Variants in NYAP2 observed in about 807,000 individuals in gnomAD.
NYAP2 encodes neuronal tyrosine-phosphorylated phosphoinositide-3-kinase adapter 2.
Under a neutral mutation model 50.4 loss-of-function variants are expected in NYAP2, and 23 were observed. The observed-to-expected ratio is 0.46, with a 90% CI of 0.33 to 0.65. The LOEUF (loss-of-function observed/expected upper bound fraction) is 0.65, where lower values mean the gene tolerates loss of function less well. Among genes scored for constraint, NYAP2 ranks in the 30% least tolerant of loss-of-function variants. The pLI is 0.02. For missense variants in NYAP2, 885 were observed against 861.0 expected (o/e 1.03, Z -0.35); for synonymous variants, 394 against 365.2 (o/e 1.08, Z -0.90).
chr2:225,541,294 A>G (rs1691467098), intron 4 of NYAP2, among the ~76,000 whole-genome samples: 1 of 152,192 alleles, frequency 6.6e-6, no homozygotes, highest in Middle Eastern at 3.4e-3. Context: ...TTTAAACTTG[A>G]TATAATCCCA....
At chr2:225,553,565 A>AT (rs1297777056) in intron 4 of NYAP2, among the ~76,000 whole-genome samples, 1 of 152,258 alleles carries the variant, frequency 6.6e-6, no homozygotes, top group African/African-American at 2.4e-5. Context: ...TATATGTCTT[A>AT]ATCATTTGCA....
chr2:225,668,086 A>G, the NYAP2 span, among the ~76,000 whole-genome samples: 5 of 152,306 alleles, frequency 3.3e-5, no homozygotes, highest in South Asian at 8.3e-4. Flanking sequence ...AATCAAGGAT[A>G]CGACATTACA....
chr2:225,599,279 A>C (rs1357010367), intron 5 of NYAP2, among the ~76,000 whole-genome samples: 1 of 152,216 alleles, frequency 6.6e-6, no homozygotes, highest in Non-Finnish European at 1.5e-5. Context: ...AGACCTAAAA[A>C]GCACTCACTT....
chr2:225,571,907 G>A (rs946034098), intron 4 of NYAP2, among the ~76,000 whole-genome samples: 10 of 152,182 alleles, frequency 6.6e-5, no homozygotes, highest in African/African-American at 2.4e-4. Context: ...CCTCTTGAAC[G>A]CTTTGCTGCT....
At chr2:225,518,558 AT>A (rs1559202515) in intron 4 of NYAP2, among the ~76,000 whole-genome samples, 5,114 of 75,180 alleles carry the variant, frequency 0.068, 1,139 homozygotes, top group African/African-American at 0.17. Context: ...ATATATATAT[AT>A]ATATATATAT....
intron 3 of NYAP2, among the ~76,000 whole-genome samples, chr2:225,467,269 A>T (rs1689935696): frequency 6.6e-6 from 1 of 152,168 alleles, no homozygotes; most frequent in African/African-American, 2.4e-5. Flanking sequence ...GTGAGCCCTG[A>T]GATCTTCTTA....
At chr2:225,540,579 C>G (rs1691444960) in intron 4 of NYAP2, among the ~76,000 whole-genome samples, 1 of 152,206 alleles carries the variant, frequency 6.6e-6, no homozygotes, top group Non-Finnish European at 1.5e-5. Context: ...CCTTCCACAA[C>G]ACTTGGAAAT....
At chr2:225,657,432 G>C (rs1293561839), downstream of NYAP2, among the ~76,000 whole-genome samples, 1 of 151,476 alleles carries the variant, frequency 6.6e-6, no homozygotes, top group East Asian at 1.9e-4. Flanking sequence ...TCATCTCCTG[G>C]GTGCCCACCC....
intron 5 of NYAP2, among the ~76,000 whole-genome samples, chr2:225,617,033 A>C (rs773809479): frequency 2.0e-5 from 3 of 152,214 alleles, no homozygotes; most frequent in Non-Finnish European, 4.4e-5. Flanking sequence ...TTATGTCCAC[A>C]GAAAGCTCAA....
Position 225,584,058 on chromosome 2 carries a change from C to CA in NYAP2, c.1618+1033dup, listed in dbSNP as rs1240269185. Among the ~76,000 whole-genome samples the CA allele has an allele frequency of 1.6e-3, 239 of 147,180 alleles. 1 individual carries two copies. The highest frequency in any genetic ancestry group is 3.4e-3 in the Middle Eastern group (1 of 292). On this transcript the variant is annotated intron_variant, in intron 5 of 6. Coordinates refer to ENST00000636099, the Ensembl canonical transcript of NYAP2. The stretch of plus-strand genomic sequence containing the variant: ...CTCTGTCTCAAAAACAAAAAACAAA[C>CA]AAAAAAAAAACCTTCTTGAGCAAAT...
chr2:225,536,227 G>C (rs938980892), intron 4 of NYAP2, among the ~76,000 whole-genome samples: 1 of 152,150 alleles, frequency 6.6e-6, no homozygotes, highest in African/African-American at 2.4e-5. Flanking sequence ...CTGTCAGTCG[G>C]CCAAGCCTTC....
chr2:225,642,887 A>T lies in NYAP2; in HGVS notation c.1829-8545A>T, dbSNP rs527564741. On this transcript the variant is annotated intron_variant, in intron 6 of 6. Coordinates refer to ENST00000636099, the Ensembl canonical transcript of NYAP2. ...TTAAATAAATTTGTATGGGTGTTTAAAAACTATTTACTACCAAAACTTTTA... is the reference window on the plus strand; with the variant it reads ...TTAAATAAATTTGTATGGGTGTTTATAAACTATTTACTACCAAAACTTTTA... Among the ~76,000 whole-genome samples, 13 of 152,286 alleles carry T rather than the reference A, an allele frequency of 8.5e-5. No individual in the cohort carries two copies. In the South Asian group the frequency reaches 2.7e-3, roughly 32 times the overall value.
intron 4 of NYAP2, among the ~76,000 whole-genome samples, chr2:225,569,288 AT>A (rs1375029479): frequency 6.6e-6 from 1 of 152,182 alleles, no homozygotes; most frequent in East Asian, 1.9e-4. Context: ...TTTTTGCAAT[AT>A]GATTTAAGTT....
At chr2:225,553,162 C>T (rs775329779) in intron 4 of NYAP2, among the ~76,000 whole-genome samples, 3 of 152,218 alleles carry the variant, frequency 2.0e-5, no homozygotes, top group Admixed American at 6.5e-5. Context: ...TGCCTGGCGG[C>T]GGCTGCTAAT....
At chr2:225,560,236 G>A (rs2106215217) in intron 4 of NYAP2, among the ~76,000 whole-genome samples, 1 of 151,940 alleles carries the variant, frequency 6.6e-6, no homozygotes. Context: ...TATGCCAATA[G>A]GCATATTATC....
At chr2:225,624,293 C>T (rs1437742360) in intron 5 of NYAP2, among the ~76,000 whole-genome samples, 3 of 152,150 alleles carry the variant, frequency 2.0e-5, no homozygotes, top group African/African-American at 7.2e-5. Flanking sequence ...GAAAAGGCTT[C>T]AAGTGTACCT....
chr2:225,651,433 G>A, exon 7 of NYAP2: 1 of 1,613,960 alleles, frequency 6.2e-7, no homozygotes. Context: ...TGTTTCCAGA[G>A]CCTAAAGTAA....
intron 5 of NYAP2, among the ~76,000 whole-genome samples, chr2:225,622,557 CTT>C (rs66652942): frequency 0.23 from 11,067 of 48,330 alleles, 713 homozygotes; most frequent in African/African-American, 0.32. Context: ...TTCTTTCTTT[CTT>C]TTTCTTTCTT....
At chr2:225,622,978 A>G (rs1693149102) in intron 5 of NYAP2, among the ~76,000 whole-genome samples, 2 of 152,256 alleles carry the variant, frequency 1.3e-5, no homozygotes, top group African/African-American at 4.8e-5. Flanking sequence ...TCTTTGGATC[A>G]GCTTTACCAT....
Sources: allele counts gnomAD v4.1 joint callset (sites outside exome capture counted in the v4.1 genomes callset), GRCh38; gene constraint gnomAD v4.1.1; transcripts MANE v1.5; gene names NCBI Gene and HGNC (gene_info 2026-07-23, HGNC 2026-07-21).